Variants in STK33 observed in about 807,000 individuals in gnomAD.
STK33 encodes the protein serine/threonine kinase 33, also known as serine/threonine-protein kinase 33.
A neutral mutation model predicts 58.0 loss-of-function variants in STK33; 52 were observed. The observed-to-expected ratio is 0.90, with a 90% CI of 0.72 to 1.13. The LOEUF is 1.13. Among genes scored for constraint, STK33 ranks in the 50% most tolerant of loss-of-function variants. The probability of loss-of-function intolerance (pLI) is 0.00; values close to 1 mark genes in which losing one functional copy is unlikely to be tolerated. For synonymous variants in STK33, 215 were observed against 200.1 expected, an observed-to-expected ratio of 1.07 and a Z score of -0.63; for missense variants, 630 against 604.2, an observed-to-expected ratio of 1.04 and a Z score of -0.45.
intron 1 of STK33, among the ~76,000 whole-genome samples, chr11:8,539,623 C>T (rs921233128): frequency 6.6e-6 from 1 of 152,152 alleles, no homozygotes; most frequent in Non-Finnish European, 1.5e-5. Flanking sequence ...CGGATTGCAG[C>T]AGGATAGCAA....
chr11:8,424,538 A>C (rs1226941771), intron 14 of STK33, among the ~76,000 whole-genome samples: 1 of 151,774 alleles, frequency 6.6e-6, no homozygotes, highest in Non-Finnish European at 1.5e-5. Flanking sequence ...GGTAATTCTA[A>C]TTCTAGATCC....
chr11:8,521,424 T>G (rs564780566), intron 1 of STK33, among the ~76,000 whole-genome samples: 1 of 152,224 alleles, frequency 6.6e-6, no homozygotes, highest in South Asian at 2.1e-4. Context: ...GTCAGCCATA[T>G]GTAGAAAGCT....
intron 1 of STK33, among the ~76,000 whole-genome samples, chr11:8,512,195 G>A (rs1235385910): frequency 1.3e-5 from 2 of 151,944 alleles, no homozygotes; most frequent in Non-Finnish European, 2.9e-5. Flanking sequence ...AGTTTTCCTT[G>A]CTACTTATGC....
At chr11:8,475,778 T>C (rs1261321993) in intron 4 of STK33, 1 of 152,150 alleles carries the variant, frequency 6.6e-6, no homozygotes, top group African/African-American at 2.4e-5. Context: ...CTGCAGTACA[T>C]ATAAAGGAGT....
chr11:8,362,916 T>TCCTCCCTCCTTTCCTC, the STK33 span, among the ~76,000 whole-genome samples: 96,145 of 148,942 alleles, frequency 0.65, 32,212 homozygotes, highest in South Asian at 0.77. Context: ...CTTCCTTCCT[T>TCCTCCCTCCTTTCCTC]CCTCCCTCCT....
At chr11:8,561,237 C>A (rs1957091057) in intron 1 of STK33, among the ~76,000 whole-genome samples, 1 of 152,066 alleles carries the variant, frequency 6.6e-6, no homozygotes, top group African/African-American at 2.4e-5. Context: ...GGGACTAGGT[C>A]CTTGAATGTT....
At chr11:8,336,529 A>C in the STK33 span, among the ~76,000 whole-genome samples, 2 of 152,338 alleles carry the variant, frequency 1.3e-5, no homozygotes, top group Middle Eastern at 3.4e-3. Flanking sequence ...CCAGGAGCCT[A>C]GTTTTTCCTG....
chr11:8,372,696 G>A, the STK33 span, among the ~76,000 whole-genome samples: 8 of 152,266 alleles, frequency 5.3e-5, no homozygotes, highest in South Asian at 2.1e-4. Flanking sequence ...TGGGACAGGC[G>A]TACTGCCTCC....
intron 1 of STK33, among the ~76,000 whole-genome samples, chr11:8,547,978 C>A (rs999521478): frequency 3.6e-5 from 5 of 140,456 alleles, no homozygotes; most frequent in Admixed American, 3.1e-4. Flanking sequence ...CACTTGGACA[C>A]TGGATGGGGA....
At chr11:8,414,513 C>A (rs527549962) in intron 14 of STK33, among the ~76,000 whole-genome samples, 23 of 152,164 alleles carry the variant, frequency 1.5e-4, no homozygotes, top group African/African-American at 5.5e-4. Flanking sequence ...TTCTAAATTA[C>A]CCTGGTATAT....
chr11:8,593,560 C>A (rs2032950562), intron 1 of STK33, among the ~76,000 whole-genome samples: 1 of 152,160 alleles, frequency 6.6e-6, no homozygotes, highest in Non-Finnish European at 1.5e-5. Context: ...GTCCACAGAG[C>A]CAGTACGGGG....
At chr11:8,562,353 T>C in intron 1 of STK33, among the ~76,000 whole-genome samples, 1 of 152,092 alleles carries the variant, frequency 6.6e-6, no homozygotes, top group Non-Finnish European at 1.5e-5. Context: ...CTCTCTCTCT[T>C]TCTTTCTCTC....
intron 15 of STK33, among the ~76,000 whole-genome samples, chr11:8,407,329 T>C (rs1164191583): frequency 6.6e-6 from 1 of 152,086 alleles, no homozygotes; most frequent in Non-Finnish European, 1.5e-5. Context: ...TTGTCATGTT[T>C]AGGTATTGTT....
chr11:8,402,630 T>C (rs1938294930), intron 15 of STK33, among the ~76,000 whole-genome samples: 1 of 151,768 alleles, frequency 6.6e-6, no homozygotes, highest in Admixed American at 6.6e-5. Context: ...AAAAAAAGAA[T>C]CTGAGACTCC....
intron 14 of STK33, among the ~76,000 whole-genome samples, chr11:8,415,403 A>T (rs1391903342): frequency 1.3e-5 from 2 of 152,092 alleles, no homozygotes; most frequent in Non-Finnish European, 2.9e-5. Context: ...TTGGCCAGTG[A>T]TTCATGATTG....
chr11:8,571,892 A>T (rs371210188), intron 1 of STK33, among the ~76,000 whole-genome samples: 92 of 150,062 alleles, frequency 6.1e-4, no homozygotes, highest in East Asian at 1.2e-3. Flanking sequence ...TAAAAAAAAA[A>T]TTTTAAAAAA....
intron 14 of STK33, among the ~76,000 whole-genome samples, chr11:8,418,861 T>C (rs569269119): frequency 8.5e-5 from 13 of 152,306 alleles, no homozygotes; most frequent in African/African-American, 2.9e-4. Flanking sequence ...TGAGCTTTTT[T>C]CGTATGCTTG....
chr11:8,442,585 G>A (rs1944898327), intron 11 of STK33, among the ~76,000 whole-genome samples: 1 of 152,182 alleles, frequency 6.6e-6, no homozygotes, highest in Non-Finnish European at 1.5e-5. Flanking sequence ...TGTTATCAGT[G>A]TAGACAACTA....
chr11:8,416,331 A>G, intron 14 of STK33, among the ~76,000 whole-genome samples: 1 of 152,180 alleles, frequency 6.6e-6, no homozygotes, highest in East Asian at 1.9e-4. Flanking sequence ...CACTATTTAA[A>G]TGAATCTTAA....
Sources: gnomAD v4.1 joint callset for allele counts (sites outside exome capture counted in the v4.1 genomes callset) on GRCh38, gnomAD v4.1.1 for gene constraint, MANE v1.5 for transcripts, NCBI Gene and HGNC (gene_info 2026-07-23, HGNC 2026-07-21) for gene names.